Variants in CENPP observed in about 807,000 individuals in gnomAD.
CENPP encodes centromere protein P.
In CENPP, 24 loss-of-function variants were observed where a neutral mutation model predicts 35.6. The ratio of observed to expected loss-of-function variants is 0.67; its 90% CI spans 0.49 to 0.95. The LOEUF is 0.95. Ranked by LOEUF, CENPP falls within the 40% of genes least tolerant of loss-of-function variation. The pLI is 0.00. For missense variants in CENPP, 332 were observed against 345.3 expected, an observed-to-expected ratio of 0.96 and a Z score of 0.31; for synonymous variants, 120 against 125.5, an observed-to-expected ratio of 0.96 and a Z score of 0.29.
At chr9:92,393,044 T>G (rs769054671) in intron 5 of CENPP, 1 of 1,533,064 alleles carries the variant, frequency 6.5e-7, no homozygotes, top group South Asian at 1.2e-5. Flanking sequence ...AGTTAAATAC[T>G]AATACGAGTT....
At position 92,586,453 on chromosome 9, in the gene CENPP, G is replaced by A. The variant is rs76264506; in HGVS notation, c.565-24861G>A. Among the ~76,000 whole-genome samples, 673 of 152,250 alleles carry A rather than the reference G, an allele frequency of 4.4e-3. 4 individuals carry two copies. The highest frequency in any genetic ancestry group is 0.015 in the African/African-American group (628 of 41,568). ...AAACCCTCGAAGGAGGAGGCTGGGG[G>A]AAGTTTCTTGGGGAACAGAGGGCTT... On this transcript the variant is annotated intron_variant, in intron 5 of 7. Transcript: ENST00000375587.
chr9:92,401,268 C>T (rs566345151), intron 5 of CENPP: 71 of 655,022 alleles, frequency 1.1e-4, no homozygotes, highest in Middle Eastern at 3.3e-4. Flanking sequence ...GACACCTTCT[C>T]GTAGTTACAA....
intron 5 of CENPP, chr9:92,522,708 A>C: frequency 6.2e-7 from 1 of 1,614,190 alleles, no homozygotes; most frequent in Non-Finnish European, 8.5e-7. Flanking sequence ...GCTGAATTCC[A>C]AGCTGTCTGT....
At chr9:92,478,842 A>G (rs1845807846) in intron 5 of CENPP, among the ~76,000 whole-genome samples, 1 of 152,120 alleles carries the variant, frequency 6.6e-6, no homozygotes. Flanking sequence ...TTAACAGATA[A>G]TATATCCAAA....
intron 4 of CENPP, among the ~76,000 whole-genome samples, chr9:92,352,510 C>CATATATATATAT (rs67070835): frequency 0.025 from 1,282 of 50,318 alleles, 98 homozygotes; most frequent in African/African-American, 0.038. Context: ...TGTGTGTATA[C>CATATATATATAT]ATATATATAT....
chr9:92,469,981 C>T (rs986870865), intron 5 of CENPP, among the ~76,000 whole-genome samples: 3 of 152,156 alleles, frequency 2.0e-5, no homozygotes, highest in African/African-American at 7.2e-5. Flanking sequence ...ACGTGCACCA[C>T]CACCATGCCA....
At chr9:92,462,189 A>C (rs1042328064) in intron 5 of CENPP, among the ~76,000 whole-genome samples, 1 of 152,012 alleles carries the variant, frequency 6.6e-6, no homozygotes, top group African/African-American at 2.4e-5. Context: ...TATTGGCCAG[A>C]CTGGTCTTGA....
intron 3 of CENPP, among the ~76,000 whole-genome samples, chr9:92,338,226 TG>T (rs1423370602): frequency 6.6e-6 from 1 of 151,990 alleles, no homozygotes; most frequent in Non-Finnish European, 1.5e-5. Context: ...GTAGAAGGAT[TG>T]CTTGAGCCTA....
At chr9:92,568,935 T>G (rs889935044) in intron 5 of CENPP, among the ~76,000 whole-genome samples, 9 of 152,220 alleles carry the variant, frequency 5.9e-5, no homozygotes, top group Non-Finnish European at 1.0e-4. Flanking sequence ...TGGGGTTGTT[T>G]TTTTCTTGTA....
At chr9:92,580,082 C>G (rs147910098) in intron 5 of CENPP, among the ~76,000 whole-genome samples, 3,872 of 151,932 alleles carry the variant, frequency 0.025, 73 homozygotes, top group Non-Finnish European at 0.038. Context: ...GTCTTTGGTT[C>G]TGTTTATATG....
chr9:92,459,822 A>G lies in CENPP; in HGVS notation c.564+79963A>G, dbSNP rs530553720. On this transcript the variant is annotated intron_variant, in intron 5 of 7. Transcript: ENST00000375587. Reference sequence around the variant, plus strand: ...TCTTACACAGATGGTTAGGTGTGATAGAGTTAGCTGAAAACACCGCAAACT... The same window carrying G: ...TCTTACACAGATGGTTAGGTGTGATGGAGTTAGCTGAAAACACCGCAAACT... The G allele has an allele frequency of 3.2e-6, 5 of 1,569,316 alleles. No individual in the cohort carries two copies. The Admixed American group carries it at 8.8e-5, about 28-fold the overall frequency.
intron 1 of CENPP, among the ~76,000 whole-genome samples, chr9:92,329,796 T>C (rs905286408): frequency 1.3e-5 from 2 of 152,198 alleles, no homozygotes; most frequent in African/African-American, 4.8e-5. Context: ...GGTCTTGAAC[T>C]CCTGGGCTGC....
At chr9:92,453,119 A>G (rs1844764932) in intron 5 of CENPP, among the ~76,000 whole-genome samples, 1 of 151,450 alleles carries the variant, frequency 6.6e-6, no homozygotes, top group Non-Finnish European at 1.5e-5. Context: ...CTCTGATTTT[A>G]GTTATTTCTT....
Position 92,549,989 on chromosome 9 carries a change from G to C in CENPP, c.565-61325G>C, listed in dbSNP as rs11791339. 6.6e-5 allele frequency among the ~76,000 whole-genome samples: 10 copies of C among 152,174 alleles called. 1 individual carries two copies. The East Asian group carries it at 1.9e-3, about 29-fold the overall frequency. ...GAGTCTGGAGCCTTCCCTTGAAGTCGCAGGTAACTAAAACAGACACTGAAT... is the reference window on the plus strand; with the variant it reads ...GAGTCTGGAGCCTTCCCTTGAAGTCCCAGGTAACTAAAACAGACACTGAAT... On this transcript the variant is annotated intron_variant, in intron 5 of 7. Coordinates refer to ENST00000375587, the MANE Select transcript of CENPP (RefSeq NM_001012267.3).
intron 5 of CENPP, among the ~76,000 whole-genome samples, chr9:92,419,051 G>A (rs190616029): frequency 1.4e-4 from 21 of 152,172 alleles, no homozygotes; most frequent in Admixed American, 1.3e-4. Flanking sequence ...TCAAATACAC[G>A]TGCAGTAGAA....
At chr9:92,574,468 A>G (rs950755287) in intron 5 of CENPP, among the ~76,000 whole-genome samples, 1 of 152,222 alleles carries the variant, frequency 6.6e-6, no homozygotes, top group East Asian at 1.9e-4. Context: ...AATTACAAAA[A>G]CAATTTTGTT....
chr9:92,347,937 G>GTTTTA (rs1392756472), intron 4 of CENPP, among the ~76,000 whole-genome samples: 4 of 151,880 alleles, frequency 2.6e-5, no homozygotes, highest in African/African-American at 9.7e-5. Context: ...GTTTTGTTTT[G>GTTTTA]TTTTGAGATG....
At chr9:92,380,574 T>A (rs1448078082) in intron 5 of CENPP, among the ~76,000 whole-genome samples, 1 of 150,880 alleles carries the variant, frequency 6.6e-6, no homozygotes, top group African/African-American at 2.4e-5. Flanking sequence ...CTATTGTTTC[T>A]TATTATTATT....
intron 5 of CENPP, among the ~76,000 whole-genome samples, chr9:92,470,961 G>A (rs528869959): frequency 6.6e-6 from 1 of 152,250 alleles, no homozygotes; most frequent in African/African-American, 2.4e-5. Flanking sequence ...ACCTTTTTGA[G>A]TAACTTATTA....
Sources: allele counts gnomAD v4.1 joint callset (sites outside exome capture counted in the v4.1 genomes callset), GRCh38; gene constraint gnomAD v4.1.1; transcripts MANE v1.5; gene names NCBI Gene and HGNC (gene_info 2026-07-23, HGNC 2026-07-21).